LIN7A: variants seen among roughly 807,000 people sequenced by gnomAD.
The protein encoded by LIN7A is protein lin-7 homolog A.
In LIN7A, 25 loss-of-function variants were observed where a neutral mutation model predicts 29.8. The ratio of observed to expected loss-of-function variants is 0.84; its 90% CI spans 0.61 to 1.17. The LOEUF is 1.17. Ranked by LOEUF, LIN7A falls within the 50% of genes most tolerant of loss-of-function variation. LIN7A has a pLI of 0.00. For synonymous variants in LIN7A, 118 were observed against 107.5 expected (o/e 1.10, Z -0.60); for missense variants, 239 against 287.0 (o/e 0.83, Z 1.21).
At chr12:80,901,293 A>G (rs1378829030) in intron 1 of LIN7A, among the ~76,000 whole-genome samples, 1 of 152,172 alleles carries the variant, frequency 6.6e-6, no homozygotes. Context: ...AGCTAGGTGA[A>G]AAAACAGAAC....
intron 1 of LIN7A, among the ~76,000 whole-genome samples, chr12:80,924,747 A>T (rs1490420542): frequency 6.6e-6 from 1 of 152,180 alleles, no homozygotes; most frequent in African/African-American, 2.4e-5. Context: ...TATTTACCCC[A>T]GTCAGTTACT....
intron 1 of LIN7A, among the ~76,000 whole-genome samples, chr12:80,924,704 A>G (rs1404602138): frequency 6.6e-6 from 1 of 152,204 alleles, no homozygotes; most frequent in Non-Finnish European, 1.5e-5. Context: ...ATTAAATAGA[A>G]CTAAAAAGAA....
chr12:80,889,172 A>G, intron 2 of LIN7A, 79 bp downstream of exon 2: 1 of 801,500 alleles, frequency 1.2e-6, no homozygotes, highest in Non-Finnish European at 2.2e-6. Context: ...AACAATTTCA[A>G]CTGTTTGTGT....
chr12:80,860,249 A>G (rs896601096), intron 2 of LIN7A, among the ~76,000 whole-genome samples: 1 of 152,196 alleles, frequency 6.6e-6, no homozygotes, highest in Admixed American at 6.5e-5. Flanking sequence ...AATAATAATT[A>G]TTGCATCTGT....
chr12:80,800,411 C>T (rs1870661057), intron 5 of LIN7A, among the ~76,000 whole-genome samples: 1 of 140,904 alleles, frequency 7.1e-6, no homozygotes, highest in African/African-American at 2.7e-5. Flanking sequence ...ATTGCTTGAA[C>T]CCGGGAGGTG....
chr12:80,801,724 AATAG>A (rs1487293755), intron 5 of LIN7A, among the ~76,000 whole-genome samples: 3 of 152,144 alleles, frequency 2.0e-5, no homozygotes, highest in Admixed American at 6.5e-5. Context: ...ACAATTTTGA[AATAG>A]ATATTATTAT....
chr12:80,826,828 G>T (rs1346355633), intron 4 of LIN7A, among the ~76,000 whole-genome samples: 1 of 152,096 alleles, frequency 6.6e-6, no homozygotes, highest in East Asian at 1.9e-4. Context: ...TGGCTGAGTT[G>T]CTTGGTTTTT....
At chr12:80,894,610 G>C (rs183344304) in intron 1 of LIN7A, among the ~76,000 whole-genome samples, 81 of 152,296 alleles carry the variant, frequency 5.3e-4, no homozygotes, top group Non-Finnish European at 9.8e-4. Flanking sequence ...CAAAACTACA[G>C]ATAAGGGGAT....
intron 1 of LIN7A, among the ~76,000 whole-genome samples, chr12:80,909,070 TA>T (rs1356267337): frequency 2.0e-5 from 3 of 152,194 alleles, no homozygotes; most frequent in African/African-American, 7.2e-5. Context: ...GATTTTCTTA[TA>T]CTCTCTATTT....
chr12:80,822,287 G>A (rs1471583698), intron 4 of LIN7A, among the ~76,000 whole-genome samples: 1 of 152,228 alleles, frequency 6.6e-6, no homozygotes, highest in Non-Finnish European at 1.5e-5. Flanking sequence ...GCTGTGTGCA[G>A]TGGCTCGTGT....
At chr12:80,840,782 G>A (rs1872771681) in intron 4 of LIN7A, among the ~76,000 whole-genome samples, 1 of 152,062 alleles carries the variant, frequency 6.6e-6, no homozygotes, top group Non-Finnish European at 1.5e-5. Flanking sequence ...GGAAGACATA[G>A]AATCACATAG....
At chr12:80,808,507 C>CTTTTT in intron 5 of LIN7A, among the ~76,000 whole-genome samples, 1 of 137,390 alleles carries the variant, frequency 7.3e-6, no homozygotes, top group East Asian at 2.1e-4. Flanking sequence ...TTTCTTTTTT[C>CTTTTT]TTTTTTTTTT....
At chr12:80,839,373 A>G (rs1592881207) in intron 4 of LIN7A, among the ~76,000 whole-genome samples, 1 of 152,158 alleles carries the variant, frequency 6.6e-6, no homozygotes, top group South Asian at 2.1e-4. Context: ...GATAATAATA[A>G]CACCTACCAC....
intron 2 of LIN7A, among the ~76,000 whole-genome samples, chr12:80,876,465 T>C (rs1241446775): frequency 2.6e-5 from 4 of 152,196 alleles, no homozygotes; most frequent in African/African-American, 9.6e-5. Context: ...TCATGAAAGA[T>C]ACCTTGAAGA....
At chr12:80,852,220 C>T (rs1303029734) in intron 2 of LIN7A, among the ~76,000 whole-genome samples, 1 of 151,540 alleles carries the variant, frequency 6.6e-6, no homozygotes, top group African/African-American at 2.4e-5. Flanking sequence ...AAATTTTATC[C>T]CTGAGAGAAT....
Position 80,795,225 on chromosome 12 carries a change from A to G in LIN7A, c.*2502T>C, listed in dbSNP as rs1255790725. The G allele has an allele frequency of 6.6e-6, 1 of 152,136 alleles. No individual in the cohort carries two copies. Among genetic ancestry groups the G allele is most frequent in the African/African-American group, 2.4e-5 (1 of 41,440 alleles). 9.4% of individuals were successfully genotyped at this position (152,136 alleles called of 1,614,324 possible). ...GGCTTCAGTGAAACTTAAGAGAACC[A>G]CAGGTGGCTTAAGTCTTAGTGATGG... On this transcript the variant is annotated 3_prime_UTR_variant, in exon 6 of 6. Transcript: ENST00000552864.
chr12:80,874,822 A>G (rs1357163925), intron 2 of LIN7A, among the ~76,000 whole-genome samples: 1 of 152,158 alleles, frequency 6.6e-6, no homozygotes, highest in Non-Finnish European at 1.5e-5. Flanking sequence ...TCTCTACTAA[A>G]AAATAGAAAA....
intron 5 of LIN7A, among the ~76,000 whole-genome samples, chr12:80,808,601 G>A (rs538868714): frequency 6.6e-5 from 10 of 151,352 alleles, no homozygotes; most frequent in Non-Finnish European, 1.3e-4. Flanking sequence ...CACCTCCCAG[G>A]TTCACGCCAT....
At chr12:80,845,201 C>T (rs1873009933) in intron 4 of LIN7A, among the ~76,000 whole-genome samples, 1 of 146,026 alleles carries the variant, frequency 6.8e-6, no homozygotes, top group Admixed American at 6.9e-5. Context: ...GGCACCACTG[C>T]ACTCCAGCCT....
Sources: allele counts gnomAD v4.1 joint callset (sites outside exome capture counted in the v4.1 genomes callset), GRCh38; gene constraint gnomAD v4.1.1; transcripts MANE v1.5; gene names NCBI Gene and HGNC (gene_info 2026-07-23, HGNC 2026-07-21).